Variants in INTS3 observed in about 807,000 individuals in gnomAD.
INTS3 encodes the protein integrator complex subunit 3, also known as SOSS complex subunit A.
INTS3 carries 34 observed loss-of-function variants against 146.3 expected under a neutral mutation model. The ratio of observed to expected loss-of-function variants is 0.23; its 90% CI spans 0.18 to 0.31. INTS3 has a LOEUF of 0.31. INTS3 is among the 10% of genes least tolerant of loss of function. The pLI is 1.00. For missense variants in INTS3, 757 were observed against 1,304.2 expected (o/e 0.58, Z 6.46); for synonymous variants, 475 against 494.9 (o/e 0.96, Z 0.53).
chr1:153,741,278 A>G lies in INTS3; in HGVS notation c.235-7A>G, dbSNP rs775320186. 5 of 1,611,724 alleles carry G rather than the reference A, an allele frequency of 3.1e-6. No homozygotes were observed. Among genetic ancestry groups the G allele is most frequent in the Non-Finnish European group, 4.2e-6 (5 of 1,177,756 alleles). ...CAACTAGTTTGTTTTCCTTTCTCAC[A>G]TTCCAGGTGTGCAAAGGCCTCCCCC... On this transcript the variant is annotated splice_polypyrimidine_tract_variant and splice_region_variant and intron_variant, in intron 2 of 29. Coordinates refer to ENST00000318967, the MANE Select transcript of INTS3 (RefSeq NM_023015.5).
chr1:153,761,111 T>C, intron 13 of INTS3, 193 bp downstream of exon 13: 1 of 1,411,224 alleles, frequency 7.1e-7, no homozygotes. Flanking sequence ...ATTACAAAGG[T>C]CTTCAAATGC....
chr1:153,746,211 G>A (rs1437746764), intron 3 of INTS3, among the ~76,000 whole-genome samples: 3 of 152,170 alleles, frequency 2.0e-5, no homozygotes, highest in Admixed American at 2.0e-4. Context: ...ACCTCTTTGG[G>A]ATCCTTTTTG....
At chr1:153,761,543 T>A (rs771135885) in intron 13 of INTS3, 27 bp from the exon 14 acceptor site, 3 of 1,462,644 alleles carry the variant, frequency 2.1e-6, no homozygotes, top group Non-Finnish European at 2.9e-6. Context: ...AGCTCTGATA[T>A]TGACCTTCAT....
At position 153,751,146 on chromosome 1, in the gene INTS3, C is replaced by T. The variant is rs1230018701; in HGVS notation, c.636C>T (p.Tyr212=). 2 of 1,614,166 alleles carry T rather than the reference C, an allele frequency of 1.2e-6. No homozygotes were observed. The highest frequency in any genetic ancestry group is 8.5e-7 in the Non-Finnish European group (1 of 1,180,010). The change falls in exon 7 of 30, where the codon TAC becomes TAT. Residue 212 remains tyrosine, a synonymous_variant. Transcript: ENST00000318967. ...TCATTGCCATGGCTGTTTACACGTA[C>T]CTCCGCCTCATCGTGGACCACCATG... The part of the protein sequence containing the change: ...SILIAMAVYT[Y]LRLIVDHHGT...
At position 153,759,617 on chromosome 1, in the gene INTS3, T is replaced by C; in HGVS notation, c.1237+4T>C. The C allele has an allele frequency of 6.3e-7, 1 of 1,599,662 alleles. No individual in the cohort carries two copies. Among genetic ancestry groups the C allele is most frequent in the Non-Finnish European group, 8.6e-7 (1 of 1,166,856 alleles). On this transcript the variant is annotated splice_donor_region_variant and intron_variant, in intron 11 of 29. Coordinates refer to ENST00000318967, the MANE Select transcript of INTS3 (RefSeq NM_023015.5). ...AAGGATAGCATTATGAACATAGGTA[T>C]GTGACCAAGACCAGGCGGCTCCACT...
At chr1:153,739,637 T>A (rs1671443474) in intron 1 of INTS3, among the ~76,000 whole-genome samples, 1 of 149,804 alleles carries the variant, frequency 6.7e-6, no homozygotes, top group Non-Finnish European at 1.5e-5. Flanking sequence ...CCCAGCTAAT[T>A]TTTGTATTTT....
Position 153,772,330 on chromosome 1 carries a change from T to G in INTS3, c.2721-10T>G. ...ACACTCAGACTCTGGCTCTGGTGAT[T>G]CCTGCACAGCCTGAGGAGCTCTAGC... is the stretch of plus-strand genomic sequence containing the variant. On this transcript the variant is annotated splice_polypyrimidine_tract_variant and intron_variant, in intron 26 of 29. Transcript: ENST00000318967. The surrounding 1 kb of genome is among the most constrained non-coding windows in gnomAD (Gnocchi z 4.6). The G allele has an allele frequency of 2.5e-6, 4 of 1,612,958 alleles. No homozygotes were observed. The highest frequency in any genetic ancestry group is 3.4e-6 in the Non-Finnish European group (4 of 1,179,286).
intron 25 of INTS3, among the ~76,000 whole-genome samples, chr1:153,771,443 G>A (rs543986773): frequency 6.6e-6 from 1 of 152,044 alleles, no homozygotes; most frequent in African/African-American, 2.4e-5. Context: ...TTGGCCCACA[G>A]CTTTAGCAGG....
At chr1:153,744,383 C>T (rs1396241363) in intron 3 of INTS3, among the ~76,000 whole-genome samples, 1 of 152,198 alleles carries the variant, frequency 6.6e-6, no homozygotes, top group Non-Finnish European at 1.5e-5. Context: ...TTTCCCTCTG[C>T]CTCTACTTCC....
At chr1:153,735,908 A>G (rs898908382) in intron 1 of INTS3, among the ~76,000 whole-genome samples, 1 of 152,014 alleles carries the variant, frequency 6.6e-6, no homozygotes. Context: ...GTTTTTGTAG[A>G]GATGGGGTTG....
At chr1:153,729,334 G>A (rs535569847) in intron 1 of INTS3, among the ~76,000 whole-genome samples, 3 of 152,346 alleles carry the variant, frequency 2.0e-5, no homozygotes, top group Non-Finnish European at 4.4e-5. Context: ...ATCAGCCACT[G>A]TAGTGGGGTG....
chr1:153,764,060 G>C (rs928665254), intron 17 of INTS3, 58 bp from the exon 18 acceptor site: 7 of 1,427,370 alleles, frequency 4.9e-6, no homozygotes, highest in Non-Finnish European at 5.9e-6. Flanking sequence ...CTGGGATCGT[G>C]GGGGCAGGAG....
Position 153,728,190 on chromosome 1 carries a change from C to T in INTS3, c.-445C>T. Reference sequence around the variant, plus strand: ...ATCCAAAGGCGCTGCACTCCCCAAGCCTTGGGGCATCAGCCAGGAAGGTTT... The same window carrying T: ...ATCCAAAGGCGCTGCACTCCCCAAGTCTTGGGGCATCAGCCAGGAAGGTTT... On this transcript the variant is annotated 5_prime_UTR_variant, in exon 1 of 30. Coordinates refer to ENST00000318967, the MANE Select transcript of INTS3 (RefSeq NM_023015.5). 2.5e-6 allele frequency: 1 copy of T among 398,160 alleles called. No individual in the cohort carries two copies. Among genetic ancestry groups the T allele is most frequent in the Non-Finnish European group, 4.4e-6 (1 of 225,660 alleles). The allele number at this position is 398,160 out of a possible 1,614,324, so 24.7% of individuals were successfully genotyped here. A position where few individuals can be genotyped will look rare whatever the true frequency, so the allele number is the denominator to read the frequency against.
At chr1:153,759,106 G>A (rs1019037565) in intron 10 of INTS3, among the ~76,000 whole-genome samples, 3 of 151,714 alleles carry the variant, frequency 2.0e-5, no homozygotes, top group African/African-American at 7.3e-5. Context: ...GACATGGCAA[G>A]ACCCTCATCT....
chr1:153,730,026 G>C (rs531257918), intron 1 of INTS3, among the ~76,000 whole-genome samples: 1 of 152,110 alleles, frequency 6.6e-6, no homozygotes, highest in Non-Finnish European at 1.5e-5. Flanking sequence ...AACTTTATCA[G>C]CTATTAGAGG....
Position 153,773,678 on chromosome 1 carries a change from C to T in INTS3, c.*408C>T, listed in dbSNP as rs1430046027. The stretch of plus-strand genomic sequence containing the variant: ...ATAAGCTAGGATGAGAGCAGAGACT[C>T]AGTGTGTGGGTGTCCCTTCCTGCTT... On this transcript the variant is annotated 3_prime_UTR_variant, in exon 30 of 30. Coordinates refer to ENST00000318967, the MANE Select transcript of INTS3 (RefSeq NM_023015.5). The T allele has an allele frequency of 3.9e-6, 1 of 257,892 alleles. No individual in the cohort carries two copies. Among genetic ancestry groups the T allele is most frequent in the Admixed American group, 5.0e-5 (1 of 20,194 alleles). The allele number at this position is 257,892 out of a possible 1,614,324, so 16.0% of individuals were successfully genotyped here.
In INTS3 at chr1:153,773,211, C is replaced by T; in HGVS notation, c.3070C>T (p.Pro1024Ser). ...SSASEEEDTK[P>S]KPTKRKRKGS... ...CTTCCAGGAAGAGGAAGACACGAAA[C>T]CGAAGCCTACCAAGCGGAAACGAAA... is the stretch of plus-strand genomic sequence containing the variant. The change falls in exon 30 of 30, where the codon CCG (proline) becomes TCG (serine). Residue 1024 changes from proline to serine, a missense_variant. Physicochemically the swap from Pro to Ser is moderately conservative, Grantham distance 74. This residue lies in a region of INTS3 where 125 missense variants were observed against 165.6 expected (regional missense o/e 0.75). Transcript: ENST00000318967. 1.9e-6 allele frequency: 3 copies of T among 1,614,084 alleles called. No homozygotes were observed. Among genetic ancestry groups the T allele is most frequent in the Non-Finnish European group, 2.5e-6 (3 of 1,180,018 alleles).
Position 153,752,193 on chromosome 1 carries a change from TG to T in INTS3, c.730-85del, listed in dbSNP as rs1671983291. The T allele has an allele frequency of 1.5e-5, 20 of 1,310,046 alleles. No homozygotes were observed. The South Asian group carries it at 2.1e-4, about 14-fold the overall frequency. The allele number at this position is 1,310,046 out of a possible 1,614,324, so 81.2% of individuals were successfully genotyped here. On this transcript the variant is annotated intron_variant, in intron 7 of 29. Transcript: ENST00000318967. ...CCTCTTTCCTTCCCTCCCTAGAACA[TG>T]TTGTTCCTTTGTCCTCCCTCCAGCA...
rs1014155689 is a variant in INTS3, at chr1:153,757,205, G to A, written c.958-367G>A. Among the ~76,000 whole-genome samples, 2 of 152,186 alleles carry A rather than the reference G, an allele frequency of 1.3e-5. No individual in the cohort carries two copies. Among genetic ancestry groups the A allele is most frequent in the African/African-American group, 4.8e-5 (2 of 41,436 alleles). On this transcript the variant is annotated intron_variant, in intron 9 of 29. Transcript: ENST00000318967. The surrounding 1 kb of genome is among the most constrained non-coding windows in gnomAD (Gnocchi z 4.0). ...TTACTCTTGAAGAACATTTCTTGCT[G>A]TTCACCAGTGGCTCAAGAAAATGAG...
Sources: allele counts gnomAD v4.1 joint callset (sites outside exome capture counted in the v4.1 genomes callset), GRCh38; gene constraint gnomAD v4.1.1; regional missense constraint gnomAD v4.1.1; non-coding constraint Gnocchi (gnomAD v3.1); transcripts MANE v1.5; gene names NCBI Gene and HGNC (gene_info 2026-07-23, HGNC 2026-07-21).